GPC6: variants seen among roughly 807,000 people sequenced by gnomAD.
The protein encoded by GPC6 is glypican-6.
Under a neutral mutation model 55.2 loss-of-function variants are expected in GPC6, and 14 were observed. The observed-to-expected ratio is 0.25, with a 90% CI of 0.17 to 0.40. The LOEUF (loss-of-function observed/expected upper bound fraction) is 0.40. Among genes scored for constraint, GPC6 ranks in the 10% least tolerant of loss-of-function variants. The pLI is 1.00. For synonymous variants in GPC6, 278 were observed against 259.6 expected, an observed-to-expected ratio of 1.07 and a Z score of -0.68; for missense variants, 641 against 708.5, an observed-to-expected ratio of 0.90 and a Z score of 1.08.
At chr13:93,948,556 G>C (rs968751258) in intron 3 of GPC6, among the ~76,000 whole-genome samples, 3 of 152,122 alleles carry the variant, frequency 2.0e-5, no homozygotes, top group African/African-American at 7.2e-5. Flanking sequence ...TTAAATTGTT[G>C]TCCCTGATAC....
chr13:94,216,343 CTTG>C (rs1890225190), intron 4 of GPC6, among the ~76,000 whole-genome samples: 1 of 152,064 alleles, frequency 6.6e-6, no homozygotes, highest in South Asian at 2.1e-4. Flanking sequence ...AACTTCAGAT[CTTG>C]TTGGGATTTT....
At chr13:93,255,318 A>C (rs1426124189) in intron 1 of GPC6, among the ~76,000 whole-genome samples, 1 of 152,194 alleles carries the variant, frequency 6.6e-6, no homozygotes, top group East Asian at 1.9e-4. Context: ...CCATCACCTT[A>C]AAGATTTATC....
At chr13:94,398,086 G>A (rs1292168650) in intron 7 of GPC6, among the ~76,000 whole-genome samples, 1 of 152,092 alleles carries the variant, frequency 6.6e-6, no homozygotes, top group Non-Finnish European at 1.5e-5. Flanking sequence ...ATGTGGAACT[G>A]TGAATCTATT....
At chr13:94,348,884 C>A (rs1360173411) in intron 6 of GPC6, among the ~76,000 whole-genome samples, 1 of 152,168 alleles carries the variant, frequency 6.6e-6, no homozygotes, top group East Asian at 1.9e-4. Context: ...TTATTAGAAT[C>A]CAAATTCAAC....
intron 2 of GPC6, among the ~76,000 whole-genome samples, chr13:93,614,490 T>A (rs1455092944): frequency 6.6e-6 from 1 of 152,174 alleles, no homozygotes; most frequent in Non-Finnish European, 1.5e-5. Context: ...GTAGTAATAG[T>A]AACTAGCTCC....
chr13:94,105,921 C>T (rs1886037237), intron 4 of GPC6, among the ~76,000 whole-genome samples: 1 of 151,686 alleles, frequency 6.6e-6, no homozygotes, highest in African/African-American at 2.4e-5. Context: ...AAGGGTAGCT[C>T]CCACGACCAA....
At chr13:93,324,191 C>T (rs1441699093) in intron 1 of GPC6, among the ~76,000 whole-genome samples, 1 of 152,030 alleles carries the variant, frequency 6.6e-6, no homozygotes, top group Non-Finnish European at 1.5e-5. Flanking sequence ...ATAAGCCAGG[C>T]ACAGAAAGAT....
chr13:94,278,522 A>G (rs918869093), intron 4 of GPC6, among the ~76,000 whole-genome samples: 4 of 152,186 alleles, frequency 2.6e-5, no homozygotes, highest in African/African-American at 9.6e-5. Flanking sequence ...CCGGTTTTCA[A>G]AGGGAATGCT....
chr13:93,449,080 G>A (rs1878115650), intron 1 of GPC6, among the ~76,000 whole-genome samples: 1 of 152,226 alleles, frequency 6.6e-6, no homozygotes, highest in Non-Finnish European at 1.5e-5. Flanking sequence ...ACCCATGACT[G>A]AGAGCAGGGA....
intron 1 of GPC6, among the ~76,000 whole-genome samples, chr13:93,485,601 C>T (rs953823579): frequency 2.0e-5 from 3 of 152,164 alleles, no homozygotes; most frequent in African/African-American, 7.2e-5. Context: ...TTACCTTGGA[C>T]ATGTTCCAAA....
chr13:93,718,827 T>G (rs566943620), intron 2 of GPC6, among the ~76,000 whole-genome samples: 1 of 152,018 alleles, frequency 6.6e-6, no homozygotes, highest in South Asian at 2.1e-4. Context: ...CCAATGGCAT[T>G]TATTAAATAG....
intron 3 of GPC6, among the ~76,000 whole-genome samples, chr13:93,980,682 C>T (rs1594639388): frequency 6.6e-6 from 1 of 152,130 alleles, no homozygotes; most frequent in East Asian, 1.9e-4. Context: ...TGGGGGCATT[C>T]AGCTGCCAAG....
At chr13:94,075,144 G>T (rs1319344641) in intron 4 of GPC6, among the ~76,000 whole-genome samples, 1 of 152,174 alleles carries the variant, frequency 6.6e-6, no homozygotes, top group Non-Finnish European at 1.5e-5. Context: ...GGTGTGTGAA[G>T]TCATAACCAA....
intron 1 of GPC6, among the ~76,000 whole-genome samples, chr13:93,248,466 C>G (rs1250270896): frequency 1.3e-5 from 2 of 148,600 alleles, no homozygotes; most frequent in Non-Finnish European, 3.0e-5. Context: ...TTTAAGTGAG[C>G]CTCTGTCACA....
chr13:93,499,120 G>T (rs60725176), intron 1 of GPC6, among the ~76,000 whole-genome samples: 1 of 84,290 alleles, frequency 1.2e-5, no homozygotes, highest in Non-Finnish European at 2.8e-5. Flanking sequence ...CACACACACA[G>T]AAACACATAC....
chr13:94,386,339 G>A (rs1482110732), intron 7 of GPC6, among the ~76,000 whole-genome samples: 1 of 148,146 alleles, frequency 6.8e-6, no homozygotes, highest in East Asian at 2.0e-4. Context: ...CAGCCTGGGC[G>A]AGAGAGCAAG....
intron 3 of GPC6, among the ~76,000 whole-genome samples, chr13:93,909,908 C>G (rs1238617665): frequency 2.0e-5 from 3 of 152,124 alleles, no homozygotes; most frequent in Admixed American, 2.0e-4. Flanking sequence ...CAGGTTCCAT[C>G]CAATCAACAA....
At chr13:94,394,937 T>G (rs999480020) in intron 7 of GPC6, among the ~76,000 whole-genome samples, 2 of 152,186 alleles carry the variant, frequency 1.3e-5, no homozygotes, top group African/African-American at 4.8e-5. Flanking sequence ...AGTGAGCTTC[T>G]GATAAATGAC....
intron 1 of GPC6, among the ~76,000 whole-genome samples, chr13:93,296,841 G>C (rs532196586): frequency 1.8e-4 from 27 of 152,286 alleles, no homozygotes; most frequent in African/African-American, 6.5e-4. Flanking sequence ...GAATGCCTCA[G>C]GTACGAGGTG....
Sources: gnomAD v4.1 joint callset for allele counts (sites outside exome capture counted in the v4.1 genomes callset) on GRCh38, gnomAD v4.1.1 for gene constraint, MANE v1.5 for transcripts, NCBI Gene and HGNC (gene_info 2026-07-23, HGNC 2026-07-21) for gene names.